IPO5: variants seen among roughly 807,000 people sequenced by gnomAD.
The protein encoded by IPO5 is importin-5.
In IPO5, 18 loss-of-function variants were observed where a neutral mutation model predicts 143.3. The ratio of observed to expected loss-of-function variants is 0.13; its 90% CI spans 0.09 to 0.19. The LOEUF (loss-of-function observed/expected upper bound fraction) is 0.19. Ranked by LOEUF, IPO5 falls within the 10% of genes least tolerant of loss-of-function variation. The probability of loss-of-function intolerance (pLI) is 1.00; values close to 1 mark genes in which losing one functional copy is unlikely to be tolerated. For synonymous variants in IPO5, 477 were observed against 465.7 expected (o/e 1.02, Z -0.31); for missense variants, 1,013 against 1,336.9 (o/e 0.76, Z 3.78).
intron 4 of IPO5, 47 bp downstream of exon 4, chr13:97,976,833 G>A (rs1942834630): frequency 1.1e-6 from 1 of 870,612 alleles, no homozygotes; most frequent in Non-Finnish European, 1.6e-6. Flanking sequence ...CCGGCGCGCC[G>A]ACCCTTTACC....
intron 27 of IPO5, among the ~76,000 whole-genome samples, chr13:98,020,446 C>T (rs1364943173): frequency 6.6e-6 from 1 of 152,144 alleles, no homozygotes; most frequent in Non-Finnish European, 1.5e-5. Flanking sequence ...AATGTAACAG[C>T]CATCCTGCAG....
intron 3 of IPO5, among the ~76,000 whole-genome samples, chr13:97,973,322 G>A (rs907937297): frequency 1.3e-5 from 2 of 151,990 alleles, no homozygotes; most frequent in Non-Finnish European, 2.9e-5. Flanking sequence ...GATTACAGGC[G>A]TGAGCCACTG....
Position 97,969,770 on chromosome 13 carries a change from C to T in IPO5, c.-65C>T, listed in dbSNP as rs1412807490. On this transcript the variant is annotated 5_prime_UTR_variant, in exon 3 of 29. Transcript: ENST00000651721. ...GAACACTGCTCAGAAAGTACTGCAGCATGTCTTCAAATGCCTGAGGATCAA... is the reference window on the plus strand; with the variant it reads ...GAACACTGCTCAGAAAGTACTGCAGTATGTCTTCAAATGCCTGAGGATCAA... The T allele has an allele frequency of 1.2e-5, 19 of 1,609,576 alleles. No homozygotes were observed. Among genetic ancestry groups the T allele is most frequent in the Non-Finnish European group, 1.5e-5 (18 of 1,176,328 alleles).
intron 4 of IPO5, among the ~76,000 whole-genome samples, chr13:97,978,271 C>G (rs1030642871): frequency 6.6e-6 from 1 of 152,120 alleles, no homozygotes; most frequent in Non-Finnish European, 1.5e-5. Context: ...ATACTATTTA[C>G]ACTATTTTGC....
Position 97,986,038 on chromosome 13 carries a change from C to T in IPO5, c.364+425C>T, listed in dbSNP as rs767463493. On this transcript the variant is annotated intron_variant, in intron 6 of 28. Transcript: ENST00000651721. ...CTGAAATGGGAGAATCACCTGAGCC[C>T]CAGAAGCTGGAGACTACAGTAAGCG... is the stretch of plus-strand genomic sequence containing the variant. Among the ~76,000 whole-genome samples the T allele has an allele frequency of 4.2e-4, 64 of 152,096 alleles. No homozygotes were observed. The Middle Eastern group carries it at 0.017, about 40-fold the overall frequency.
chr13:97,985,359 C>A, intron 5 of IPO5, 62 bp from the exon 6 acceptor site: 2 of 1,321,618 alleles, frequency 1.5e-6, no homozygotes, highest in Non-Finnish European at 2.2e-6. Flanking sequence ...TATAAAAATA[C>A]AACAGTGAAA....
chr13:97,967,741 C>T (rs1454674184), intron 2 of IPO5, among the ~76,000 whole-genome samples: 2 of 152,116 alleles, frequency 1.3e-5, no homozygotes, highest in Non-Finnish European at 2.9e-5. Context: ...ATGCCATTCT[C>T]CTGCCTCAGC....
At chr13:98,011,370 A>G (rs1185317884) in intron 20 of IPO5, among the ~76,000 whole-genome samples, 3 of 151,974 alleles carry the variant, frequency 2.0e-5, no homozygotes, top group Admixed American at 2.0e-4. Context: ...AGCTCACTGC[A>G]GCCTCCGTCT....
Position 97,976,599 on chromosome 13 carries a change from G to A in IPO5, c.-4-94G>A, listed in dbSNP as rs1024050738. 2.9e-5 allele frequency: 8 copies of A among 273,948 alleles called. 1 individual carries two copies. The East Asian group carries it at 8.8e-4, about 30-fold the overall frequency. 17.0% of individuals were successfully genotyped at this position (273,948 alleles called of 1,614,324 possible). On this transcript the variant is annotated intron_variant, in intron 3 of 28. Transcript: ENST00000651721. ...CAAGCCCCGCGCCGCCGCTGGTGCC[G>A]GTCCCCGCGCTGGGCCCGCCCCCGC...
intron 5 of IPO5, among the ~76,000 whole-genome samples, chr13:97,983,645 G>A (rs1305928523): frequency 7.0e-6 from 1 of 143,000 alleles, no homozygotes; most frequent in Non-Finnish European, 1.5e-5. Context: ...CCCAAGTCTA[G>A]AAAACTATTC....
At chr13:97,994,491 G>C (rs567312311) in intron 11 of IPO5, among the ~76,000 whole-genome samples, 1 of 152,246 alleles carries the variant, frequency 6.6e-6, no homozygotes, top group Admixed American at 6.5e-5. Flanking sequence ...AAATTTTATA[G>C]GCATGAGTTA....
In IPO5 at chr13:97,963,844, C is replaced by A. The variant is rs535896448; in HGVS notation, c.-112-5879C>A. On this transcript the variant is annotated intron_variant, in intron 2 of 28. Coordinates refer to ENST00000651721, the MANE Select transcript of IPO5 (RefSeq NM_002271.6). ...TAAAAGCATTCCTATTTCTCCACAG[C>A]CTCGCCAGCATCTGTTGTTTCCTGA... 2.0e-5 allele frequency among the ~76,000 whole-genome samples: 3 copies of A among 152,280 alleles called. No individual in the cohort carries two copies. The South Asian group carries it at 6.2e-4, about 32-fold the overall frequency.
rs1158748732 is a variant in IPO5 at position 97,989,055 on chromosome 13, C to G, written c.365-7C>G. ...ACAACTTTATGTCTGGATTTCTTTA[C>G]TTTCAGATGAGGATGGCAATAACCA... On this transcript the variant is annotated splice_region_variant and splice_polypyrimidine_tract_variant and intron_variant, in intron 6 of 28. Coordinates refer to ENST00000651721, the MANE Select transcript of IPO5 (RefSeq NM_002271.6). 6.4e-7 allele frequency: 1 copy of G among 1,564,438 alleles called. No individual in the cohort carries two copies. Among genetic ancestry groups the G allele is most frequent in the Admixed American group, 1.7e-5 (1 of 59,538 alleles).
chr13:98,008,276 C>G, intron 18 of IPO5, 134 bp downstream of exon 18: 1 of 581,472 alleles, frequency 1.7e-6, no homozygotes, highest in African/African-American at 1.9e-5. Flanking sequence ...ACATTCTTCA[C>G]TGATTTTCCT....
In IPO5 at chr13:98,022,197, C is replaced by G. The variant is rs952050322; in HGVS notation, c.*375C>G. On this transcript the variant is annotated 3_prime_UTR_variant, in exon 29 of 29. Transcript: ENST00000651721. Reference sequence around the variant, plus strand: ...CGTAGATGTGTGTTCACACAAATTGCTCTGCATTCAGTGTTCATTGTGAAT... The same window carrying G: ...CGTAGATGTGTGTTCACACAAATTGGTCTGCATTCAGTGTTCATTGTGAAT... 1 of 158,680 alleles carries G rather than the reference C, an allele frequency of 6.3e-6. No homozygotes were observed. The highest frequency in any genetic ancestry group is 2.4e-5 in the African/African-American group (1 of 41,832). The allele number at this position is 158,680 out of a possible 1,614,324, so 9.8% of individuals were successfully genotyped here.
At chr13:97,985,338 C>T (rs1655777912) in intron 5 of IPO5, 83 bp from the exon 6 acceptor site, 8 of 1,086,292 alleles carry the variant, frequency 7.4e-6, no homozygotes, top group East Asian at 2.4e-5. Context: ...GAAAATTAGG[C>T]GCTTTTGAAA....
In IPO5 at chr13:98,015,520, A is replaced by C; in HGVS notation, c.2326-10A>C. On this transcript the variant is annotated splice_polypyrimidine_tract_variant and intron_variant, in intron 22 of 28. Coordinates refer to ENST00000651721, the MANE Select transcript of IPO5 (RefSeq NM_002271.6). ...TCTTATGGATTGCTTTCTTTCCTCAACCTCATTAGTGCATTGAAGTAATGG... is the reference window on the plus strand; with the variant it reads ...TCTTATGGATTGCTTTCTTTCCTCACCCTCATTAGTGCATTGAAGTAATGG... 6.6e-7 allele frequency: 1 copy of C among 1,515,592 alleles called. No individual in the cohort carries two copies. Among genetic ancestry groups the C allele is most frequent in the Non-Finnish European group, 9.1e-7 (1 of 1,099,304 alleles). 93.9% of individuals were successfully genotyped at this position (1,515,592 alleles called of 1,614,324 possible). A position where few individuals can be genotyped will look rare whatever the true frequency, so the allele number is the denominator to read the frequency against.
chr13:97,970,254 A>G (rs956881181), intron 3 of IPO5, among the ~76,000 whole-genome samples: 3 of 152,222 alleles, frequency 2.0e-5, no homozygotes, highest in Admixed American at 6.5e-5. Flanking sequence ...ACATTTCTAC[A>G]TGTGACCAAT....
At chr13:98,011,117 T>A (rs1172621557) in intron 20 of IPO5, among the ~76,000 whole-genome samples, 2 of 152,168 alleles carry the variant, frequency 1.3e-5, no homozygotes, top group Non-Finnish European at 2.9e-5. Context: ...TATTTCTTAT[T>A]GTCATCTTCA....
Sources: gnomAD v4.1 joint callset for allele counts (sites outside exome capture counted in the v4.1 genomes callset) on GRCh38, gnomAD v4.1.1 for gene constraint, MANE v1.5 for transcripts, NCBI Gene and HGNC (gene_info 2026-07-23, HGNC 2026-07-21) for gene names.